The following DPP10 variants were observed in gnomAD, a reference collection of about 807,000 sequenced individuals.
The protein encoded by DPP10 is dipeptidyl peptidase like 10.
A neutral mutation model predicts 120.9 loss-of-function variants in DPP10; 33 were observed. That is an observed-to-expected ratio of 0.27 (90% confidence interval 0.21 to 0.37). DPP10 has a LOEUF of 0.37. Among genes scored for constraint, DPP10 ranks in the 10% least tolerant of loss-of-function variants. The pLI, the probability that DPP10 is intolerant of heterozygous loss-of-function variation, is 1.00. For synonymous variants in DPP10, 337 were observed against 326.1 expected (o/e 1.03, Z -0.36); for missense variants, 816 against 942.8 (o/e 0.87, Z 1.76).
At chr2:115,145,577 A>G (rs2051178297) in intron 1 of DPP10, among the ~76,000 whole-genome samples, 1 of 152,160 alleles carries the variant, frequency 6.6e-6, no homozygotes, top group South Asian at 2.1e-4. Flanking sequence ...GTTGCTTCCA[A>G]GTTTTGGCAA....
chr2:115,279,649 C>CTTTTTTTTTTTTTTTTTTTTT (rs2060068274), intron 1 of DPP10, among the ~76,000 whole-genome samples: 2 of 50,032 alleles, frequency 4.0e-5, no homozygotes, highest in Non-Finnish European at 8.4e-5. Flanking sequence ...TTCTTTTTTT[C>CTTTTTTTTTTTTTTTTTTTTT]TTCTTCTTTT....
chr2:115,115,530 C>T (rs2049457217), intron 1 of DPP10, among the ~76,000 whole-genome samples: 1 of 152,156 alleles, frequency 6.6e-6, no homozygotes, highest in South Asian at 2.1e-4. Flanking sequence ...AGTGGATGCA[C>T]ATGCCAAATC....
chr2:115,302,339 A>T (rs2061176528), intron 1 of DPP10, among the ~76,000 whole-genome samples: 2 of 152,058 alleles, frequency 1.3e-5, no homozygotes, highest in African/African-American at 4.8e-5. Flanking sequence ...ATTATTGGGG[A>T]GTGATAAATG....
chr2:115,092,468 T>G (rs1339117030), intron 1 of DPP10, among the ~76,000 whole-genome samples: 1 of 152,198 alleles, frequency 6.6e-6, no homozygotes, highest in Non-Finnish European at 1.5e-5. Flanking sequence ...ATTTTTAATA[T>G]ATCAGTTAAT....
chr2:114,956,644 T>G (rs1342440733), intron 1 of DPP10, among the ~76,000 whole-genome samples: 1 of 152,036 alleles, frequency 6.6e-6, no homozygotes, highest in East Asian at 1.9e-4. Context: ...TAAAAGCAAT[T>G]GTAAGCAAAA....
chr2:114,931,537 G>T (rs2104502801), intron 1 of DPP10, among the ~76,000 whole-genome samples: 1 of 152,262 alleles, frequency 6.6e-6, no homozygotes, highest in African/African-American at 2.4e-5. Flanking sequence ...CCGCCCCAAT[G>T]ACTGAAACAC....
At chr2:115,408,750 A>T (rs929997336) in intron 3 of DPP10, among the ~76,000 whole-genome samples, 4 of 152,292 alleles carry the variant, frequency 2.6e-5, no homozygotes, top group Middle Eastern at 3.4e-3. Context: ...GAGAGATATT[A>T]AAAAAATCAT....
intron 3 of DPP10, among the ~76,000 whole-genome samples, chr2:115,357,411 C>G (rs555698620): frequency 6.6e-6 from 1 of 152,216 alleles, no homozygotes; most frequent in African/African-American, 2.4e-5. Flanking sequence ...CTTAAAGTTC[C>G]AAAATGATCT....
chr2:115,479,099 T>C lies in DPP10; in HGVS notation c.272-20411T>C, dbSNP rs191534758. 2.0e-5 allele frequency among the ~76,000 whole-genome samples: 3 copies of C among 152,322 alleles called. No individual in the cohort carries two copies. In the East Asian group the frequency reaches 5.8e-4, roughly 29 times the overall value. On this transcript the variant is annotated intron_variant, in intron 3 of 25. Coordinates refer to ENST00000410059, the MANE Select transcript of DPP10 (RefSeq NM_020868.6). ...ATGCACGGTCTTAAAGAGATTTTTA[T>C]GTACCCCTATTCATAGCAGCATTAT...
intron 1 of DPP10, among the ~76,000 whole-genome samples, chr2:115,194,086 G>T (rs964147709): frequency 5.3e-5 from 8 of 152,178 alleles, no homozygotes; most frequent in African/African-American, 1.4e-4. Flanking sequence ...TCTGACTTAG[G>T]ATAGTTCTGA....
intron 1 of DPP10, among the ~76,000 whole-genome samples, chr2:114,650,266 A>G (rs1265436112): frequency 6.6e-6 from 1 of 152,130 alleles, no homozygotes; most frequent in Non-Finnish European, 1.5e-5. Context: ...AGAACTATAG[A>G]GTGAGAAAAA....
intron 1 of DPP10, among the ~76,000 whole-genome samples, chr2:114,667,046 T>C (rs2105601001): frequency 6.6e-6 from 1 of 152,334 alleles, no homozygotes; most frequent in East Asian, 1.9e-4. Flanking sequence ...TACTTTGCCT[T>C]TGTAGCGTGA....
chr2:114,640,716 AAAG>A (rs1280554279), intron 1 of DPP10, among the ~76,000 whole-genome samples: 1 of 151,888 alleles, frequency 6.6e-6, no homozygotes, highest in Non-Finnish European at 1.5e-5. Context: ...TCAACCACGC[AAAG>A]AAGGAGGGAG....
At chr2:114,896,890 A>G (rs1251179543) in intron 1 of DPP10, among the ~76,000 whole-genome samples, 1 of 152,176 alleles carries the variant, frequency 6.6e-6, no homozygotes, top group Non-Finnish European at 1.5e-5. Context: ...GATAGCTCTT[A>G]TTATTTTGAG....
intron 13 of DPP10, 92 bp downstream of exon 13, chr2:115,768,496 G>A: frequency 1.8e-6 from 2 of 1,106,934 alleles, no homozygotes; most frequent in Non-Finnish European, 2.6e-6. Context: ...CTAGTTCATG[G>A]TGGTGAAACC....
chr2:115,400,255 T>C (rs2067973228), intron 3 of DPP10, among the ~76,000 whole-genome samples: 1 of 152,152 alleles, frequency 6.6e-6, no homozygotes, highest in Non-Finnish European at 1.5e-5. Context: ...ATGTCATGGC[T>C]GAATTTACCA....
At chr2:115,386,913 A>C (rs1464743222) in intron 3 of DPP10, among the ~76,000 whole-genome samples, 1 of 152,150 alleles carries the variant, frequency 6.6e-6, no homozygotes, top group African/African-American at 2.4e-5. Context: ...AAAAAAAAAA[A>C]AAACTGTAAG....
chr2:114,658,765 C>T (rs1322684022), intron 1 of DPP10, among the ~76,000 whole-genome samples: 1 of 152,042 alleles, frequency 6.6e-6, no homozygotes, highest in Non-Finnish European at 1.5e-5. Flanking sequence ...TTAGTGGATA[C>T]CTGTGATTGA....
At chr2:115,057,139 T>C (rs1179094617) in intron 1 of DPP10, among the ~76,000 whole-genome samples, 1 of 152,210 alleles carries the variant, frequency 6.6e-6, no homozygotes, top group East Asian at 1.9e-4. Flanking sequence ...CTGCATCTGC[T>C]ATTTCCTGCT....
Sources: gnomAD v4.1 joint callset for allele counts (sites outside exome capture counted in the v4.1 genomes callset) on GRCh38, gnomAD v4.1.1 for gene constraint, MANE v1.5 for transcripts, NCBI Gene and HGNC (gene_info 2026-07-23, HGNC 2026-07-21) for gene names.